CDH9: variants seen among roughly 807,000 people sequenced by gnomAD.
CDH9 encodes the protein cadherin 9, also known as cadherin-9.
A neutral mutation model predicts 70.9 loss-of-function variants in CDH9; 28 were observed. The observed-to-expected ratio is 0.40, with a 90% confidence interval of 0.29 to 0.54. The LOEUF (loss-of-function observed/expected upper bound fraction) is 0.54, where lower values mean the gene tolerates loss of function less well. Ranked by LOEUF, CDH9 falls within the 20% of genes least tolerant of loss-of-function variation. The pLI, the probability that CDH9 is intolerant of heterozygous loss-of-function variation, is 0.59. For missense variants in CDH9, 874 were observed against 984.4 expected (o/e 0.89, Z 1.50); for synonymous variants, 409 against 343.1 (o/e 1.19, Z -2.12).
chr5:27,028,856 T>C (rs1221147814), intron 1 of CDH9, among the ~76,000 whole-genome samples: 3 of 151,970 alleles, frequency 2.0e-5, no homozygotes, highest in African/African-American at 4.8e-5. Flanking sequence ...GGAGTGTTGG[T>C]AGGGATACAG....
At chr5:27,017,440 TG>T (rs397970619) in intron 1 of CDH9, among the ~76,000 whole-genome samples, 4 of 151,266 alleles carry the variant, frequency 2.6e-5, no homozygotes, top group African/African-American at 4.9e-5. Flanking sequence ...AAATTTTTTT[TG>T]GGGGGGCAAG....
rs767994158 is a variant in CDH9, at chr5:26,881,688, G to T, written c.1883-65C>A. On this transcript the variant is annotated intron_variant, in intron 11 of 11. Coordinates refer to ENST00000231021, the MANE Select transcript of CDH9 (RefSeq NM_016279.4). ...TCAGGATAAAATAGAGTACACTTCT[G>T]AGTGTGAAATTCGTTTGGTGCAGGA... 1.1e-3 allele frequency: 1,579 copies of T among 1,434,142 alleles called. 8 individuals are homozygous for T. Among genetic ancestry groups the T allele is most frequent in the South Asian group, 2.5e-3 (186 of 74,788 alleles). The allele number at this position is 1,434,142 out of a possible 1,614,324, so 88.8% of individuals were successfully genotyped here.
chr5:27,022,693 T>G (rs1743158626), intron 1 of CDH9, among the ~76,000 whole-genome samples: 2 of 152,118 alleles, frequency 1.3e-5, no homozygotes, highest in South Asian at 4.1e-4. Flanking sequence ...ACGAATACAT[T>G]TCTGAATATG....
At chr5:27,037,318 A>T (rs1381597239) in intron 1 of CDH9, among the ~76,000 whole-genome samples, 2 of 151,932 alleles carry the variant, frequency 1.3e-5, no homozygotes, top group Non-Finnish European at 2.9e-5. Flanking sequence ...TAGGAATCTC[A>T]TCTACCTATA....
Position 26,923,824 on chromosome 5 carries a change from T to C in CDH9, c.229-7900A>G, listed in dbSNP as rs567808075. Reference sequence around the variant, plus strand: ...TGCTCCACAATGATAAGTGGGTCAATGAATAAATTAAGAAGAAAATTAGAA... The same window carrying C: ...TGCTCCACAATGATAAGTGGGTCAACGAATAAATTAAGAAGAAAATTAGAA... On this transcript the variant is annotated intron_variant, in intron 2 of 11. Transcript: ENST00000231021. Among the ~76,000 whole-genome samples, 12 of 152,092 alleles carry C rather than the reference T, an allele frequency of 7.9e-5. No individual in the cohort carries two copies. In the South Asian group the frequency reaches 2.5e-3, roughly 31 times the overall value.
intron 1 of CDH9, among the ~76,000 whole-genome samples, chr5:27,017,867 T>C (rs1216993195): frequency 1.3e-5 from 2 of 152,028 alleles, no homozygotes; most frequent in South Asian, 2.1e-4. Context: ...ATAGGTTATT[T>C]AATGTATATT....
chr5:27,001,221 C>T (rs1319220961), intron 1 of CDH9, among the ~76,000 whole-genome samples: 1 of 152,002 alleles, frequency 6.6e-6, no homozygotes, highest in South Asian at 2.1e-4. Flanking sequence ...TATGAAACAA[C>T]CTCAGTGAAG....
intron 1 of CDH9, among the ~76,000 whole-genome samples, chr5:27,014,484 A>G (rs1479528872): frequency 4.6e-5 from 7 of 151,920 alleles, no homozygotes. Flanking sequence ...TAGCACCCAC[A>G]ATGTAACCAC....
intron 2 of CDH9, among the ~76,000 whole-genome samples, chr5:26,936,750 T>C (rs1346867805): frequency 2.0e-5 from 3 of 151,906 alleles, no homozygotes; most frequent in Admixed American, 2.0e-4. Context: ...ACAAATATAG[T>C]CAACTGATCT....
At position 26,919,229 on chromosome 5, in the gene CDH9, C is replaced by A. The variant is rs1342638437; in HGVS notation, c.229-3305G>T. Among the ~76,000 whole-genome samples, 4 of 152,248 alleles carry A rather than the reference C, an allele frequency of 2.6e-5. No homozygotes were observed. The East Asian group carries it at 7.8e-4, about 30-fold the overall frequency. ...CTCTTCTCTCATCCCCTTGCACCAG[C>A]CACATGGTGAGGAGTGAATCTATGT... On this transcript the variant is annotated intron_variant, in intron 2 of 11. Transcript: ENST00000231021.
chr5:26,885,741 A>G lies in CDH9; in HGVS notation c.1755T>C (p.Thr585=). 6.2e-7 allele frequency: 1 copy of G among 1,613,754 alleles called. No homozygotes were observed. The highest frequency in any genetic ancestry group is 8.5e-7 in the Non-Finnish European group (1 of 1,179,808). Reference sequence around the variant, plus strand: ...GATTATCGCAGGCACACACACGGATAGTGAGTGTACCAGTGCTGCTTTGAA... The same window carrying G: ...GATTATCGCAGGCACACACACGGATGGTGAGTGTACCAGTGCTGCTTTGAA... ...YPIQSSTGTL[T]IRVCACDNQG... Residue 585 remains threonine, a synonymous_variant, in exon 11 of 12, where the codon ACT becomes ACC. Coordinates refer to ENST00000231021, the MANE Select transcript of CDH9 (RefSeq NM_016279.4).
intron 2 of CDH9, among the ~76,000 whole-genome samples, chr5:26,917,808 GA>G (rs1561194498): frequency 6.6e-6 from 1 of 151,924 alleles, no homozygotes; most frequent in Admixed American, 6.6e-5. Context: ...TCATACTAAA[GA>G]GGGTGATTTT....
intron 2 of CDH9, among the ~76,000 whole-genome samples, chr5:26,952,876 A>C (rs1265526587): frequency 1.4e-5 from 2 of 138,228 alleles, no homozygotes; most frequent in Non-Finnish European, 3.1e-5. Context: ...ATTTTCACTG[A>C]GTTAAACCAA....
intron 2 of CDH9, among the ~76,000 whole-genome samples, chr5:26,941,236 G>A (rs1345500362): frequency 6.6e-6 from 1 of 152,188 alleles, no homozygotes; most frequent in Non-Finnish European, 1.5e-5. Flanking sequence ...ACATATTAGT[G>A]TTCCATGAGA....
chr5:27,000,248 A>G (rs916271573), intron 1 of CDH9, among the ~76,000 whole-genome samples: 12 of 152,182 alleles, frequency 7.9e-5, no homozygotes, highest in Non-Finnish European at 1.5e-4. Context: ...TATACATATG[A>G]GAAATAAGCA....
intron 1 of CDH9, among the ~76,000 whole-genome samples, chr5:26,998,349 A>C (rs941936582): frequency 2.0e-5 from 3 of 152,182 alleles, no homozygotes; most frequent in African/African-American, 7.2e-5. Flanking sequence ...TCAATGATAG[A>C]CTGGATTAAG....
At chr5:27,030,814 A>T (rs1743298624) in intron 1 of CDH9, among the ~76,000 whole-genome samples, 1 of 151,552 alleles carries the variant, frequency 6.6e-6, no homozygotes, top group African/African-American at 2.4e-5. Context: ...TACATATAAC[A>T]CTCAGCACAT....
chr5:26,907,631 T>A (rs879793960), intron 3 of CDH9, among the ~76,000 whole-genome samples: 1 of 152,098 alleles, frequency 6.6e-6, no homozygotes, highest in Non-Finnish European at 1.5e-5. Context: ...AAAAGTGCTT[T>A]AAAAGCAGGG....
intron 2 of CDH9, among the ~76,000 whole-genome samples, chr5:26,977,132 T>C (rs2112079737): frequency 6.6e-6 from 1 of 152,156 alleles, no homozygotes; most frequent in East Asian, 1.9e-4. Context: ...GTAATGCCAT[T>C]ATGACAATTT....
Sources: allele counts gnomAD v4.1 joint callset (sites outside exome capture counted in the v4.1 genomes callset), GRCh38; gene constraint gnomAD v4.1.1; transcripts MANE v1.5; gene names NCBI Gene and HGNC (gene_info 2026-07-23, HGNC 2026-07-21).